The following CNBD1 variants were observed in gnomAD, a reference collection of about 807,000 sequenced individuals.
CNBD1 encodes cyclic nucleotide binding domain containing 1.
Under a neutral mutation model 54.4 loss-of-function variants are expected in CNBD1, and 71 were observed. That is an observed-to-expected ratio of 1.30 (90% confidence interval 1.08 to 1.59). The LOEUF (loss-of-function observed/expected upper bound fraction) is 1.59, where lower values mean the gene tolerates loss of function less well. Among genes scored for constraint, CNBD1 ranks in the 40% most tolerant of loss-of-function variants. CNBD1 has a pLI of 0.00. For missense variants in CNBD1, 659 were observed against 518.0 expected, an observed-to-expected ratio of 1.27 and a Z score of -2.64; for synonymous variants, 182 against 170.7, an observed-to-expected ratio of 1.07 and a Z score of -0.51.
intron 4 of CNBD1, among the ~76,000 whole-genome samples, chr8:87,051,762 G>T (rs1810316395): frequency 6.6e-6 from 1 of 152,148 alleles, no homozygotes; most frequent in Non-Finnish European, 1.5e-5. Flanking sequence ...CTTCATTCTG[G>T]TAAACCCACA....
At chr8:86,976,187 CT>C (rs71277906) in intron 4 of CNBD1, among the ~76,000 whole-genome samples, 114 of 83,498 alleles carry the variant, frequency 1.4e-3, no homozygotes, top group African/African-American at 4.9e-3. Flanking sequence ...GTGCATTGAC[CT>C]TTTTTTTTTT....
At chr8:87,189,741 A>G (rs1363620973) in intron 4 of CNBD1, among the ~76,000 whole-genome samples, 2 of 152,212 alleles carry the variant, frequency 1.3e-5, no homozygotes, top group African/African-American at 4.8e-5. Context: ...AATTTCTGGA[A>G]AAACTGATAA....
rs140965851 is a variant in CNBD1, at chr8:87,065,903, C to G, written c.431+126149C>G. ...TCTTAACCTATATGTGATACTTTCC[C>G]ACTACATGGTTGTTGATAAGTTTCA... On this transcript the variant is annotated intron_variant, in intron 4 of 10. Transcript: ENST00000518476. Among the ~76,000 whole-genome samples, 583 of 152,022 alleles carry G rather than the reference C, an allele frequency of 3.8e-3. 5 individuals are homozygous for G. Among genetic ancestry groups the G allele is most frequent in the African/African-American group, 0.013 (548 of 41,522 alleles).
intron 8 of CNBD1, among the ~76,000 whole-genome samples, chr8:87,341,614 C>A (rs1810065200): frequency 6.6e-6 from 1 of 152,150 alleles, no homozygotes; most frequent in Non-Finnish European, 1.5e-5. Context: ...ATCATGAGGG[C>A]TCCACCCTCT....
chr8:87,108,891 C>T (rs1457819108), intron 4 of CNBD1, among the ~76,000 whole-genome samples: 3 of 151,770 alleles, frequency 2.0e-5, no homozygotes, highest in Non-Finnish European at 4.4e-5. Flanking sequence ...GGCCAAACAA[C>T]TCTCATGGCC....
intron 4 of CNBD1, among the ~76,000 whole-genome samples, chr8:87,099,785 C>T (rs544482037): frequency 6.6e-6 from 1 of 152,288 alleles, no homozygotes; most frequent in East Asian, 1.9e-4. Flanking sequence ...AGATGTCTAA[C>T]AGACTCTTAA....
chr8:87,030,745 A>T (rs1275479351), intron 4 of CNBD1, among the ~76,000 whole-genome samples: 1 of 152,114 alleles, frequency 6.6e-6, no homozygotes, highest in Admixed American at 6.5e-5. Flanking sequence ...ACTCAGGATA[A>T]GATGGAGGGA....
At chr8:87,210,164 A>C (rs533079539) in intron 5 of CNBD1, among the ~76,000 whole-genome samples, 16 of 152,354 alleles carry the variant, frequency 1.1e-4, no homozygotes, top group African/African-American at 3.6e-4. Context: ...TTTCTAAGCA[A>C]CAAAGTGATC....
At chr8:87,220,360 T>C (rs1814304189) in intron 5 of CNBD1, among the ~76,000 whole-genome samples, 1 of 152,026 alleles carries the variant, frequency 6.6e-6, no homozygotes, top group Non-Finnish European at 1.5e-5. Context: ...TGATATCCTT[T>C]TAGGGAGAGC....
At chr8:87,321,464 T>C (rs185182925) in intron 8 of CNBD1, among the ~76,000 whole-genome samples, 1 of 152,200 alleles carries the variant, frequency 6.6e-6, no homozygotes, top group African/African-American at 2.4e-5. Context: ...GAACATCTTT[T>C]CTTATACCTG....
intron 2 of CNBD1, among the ~76,000 whole-genome samples, chr8:87,426,244 G>T (rs924229060): frequency 1.1e-4 from 16 of 152,306 alleles, no homozygotes; most frequent in Non-Finnish European, 2.1e-4. Context: ...GATGAACCCG[G>T]TACCTCAGAT....
At chr8:86,939,794 T>A (rs1475422088) in intron 4 of CNBD1, 40 bp downstream of exon 4, 1 of 1,240,600 alleles carries the variant, frequency 8.1e-7, no homozygotes, top group Non-Finnish European at 1.1e-6. Flanking sequence ...AATTGAGTAA[T>A]TCTTTTGAAT....
chr8:87,231,190 A>T lies in CNBD1; in HGVS notation c.578-5729A>T, dbSNP rs547773092. Reference sequence around the variant, plus strand: ...CATAAACATGTATTCATAGGCAGACATATATTTACTTTTATTTTAAACTTT... The same window carrying T: ...CATAAACATGTATTCATAGGCAGACTTATATTTACTTTTATTTTAAACTTT... On this transcript the variant is annotated intron_variant, in intron 5 of 10. Transcript: ENST00000518476. 6.6e-5 allele frequency among the ~76,000 whole-genome samples: 10 copies of T among 152,308 alleles called. No individual in the cohort carries two copies. In the South Asian group the frequency reaches 2.1e-3, roughly 32 times the overall value.
At chr8:86,981,179 G>C (rs183836847) in intron 4 of CNBD1, among the ~76,000 whole-genome samples, 1 of 152,202 alleles carries the variant, frequency 6.6e-6, no homozygotes, top group Non-Finnish European at 1.5e-5. Context: ...GTCTGTGTGC[G>C]TGCGCGCGCG....
At chr8:86,877,976 T>C (rs550467858) in intron 1 of CNBD1, among the ~76,000 whole-genome samples, 26 of 152,156 alleles carry the variant, frequency 1.7e-4, no homozygotes, top group African/African-American at 5.3e-4. Flanking sequence ...TTTCTGTCAT[T>C]ATTTTATCTT....
At chr8:87,134,267 A>G (rs545153873) in intron 4 of CNBD1, among the ~76,000 whole-genome samples, 3 of 152,282 alleles carry the variant, frequency 2.0e-5, no homozygotes, top group African/African-American at 7.2e-5. Context: ...CATGGATACC[A>G]AATTAGTTAT....
intron 4 of CNBD1, among the ~76,000 whole-genome samples, chr8:87,053,182 G>T (rs1397202191): frequency 6.6e-6 from 1 of 152,198 alleles, no homozygotes; most frequent in Non-Finnish European, 1.5e-5. Context: ...AAAGATTTGG[G>T]TTGTGTCGCA....
rs776997242 is a variant in CNBD1 at position 87,351,741 on chromosome 8, T to A, written c.1099T>A (p.Cys367Ser). The change falls in exon 9 of 11, where the codon TGT (cysteine) becomes AGT (serine). Residue 367 changes from cysteine (C) to serine (S), a missense_variant. Physicochemically the swap from Cys to Ser is moderately radical, Grantham distance 112 (BLOSUM62 -1). Coordinates refer to ENST00000518476, the MANE Select transcript of CNBD1 (RefSeq NM_173538.3). ...TGTGGGTTATATTAACTCTGGATGC[T>A]GTAACATTTATAGAAGTATTATAGG... ...SFVGYINSGC[C>S]NIYRSIIGFV... 3.9e-6 allele frequency: 6 copies of A among 1,533,948 alleles called. No individual in the cohort carries two copies. The highest frequency in any genetic ancestry group is 5.2e-6 in the Non-Finnish European group (6 of 1,145,474).
At chr8:87,242,395 G>T (rs1040692272) in intron 6 of CNBD1, among the ~76,000 whole-genome samples, 1 of 152,042 alleles carries the variant, frequency 6.6e-6, no homozygotes, top group Non-Finnish European at 1.5e-5. Context: ...CTACCTGGAG[G>T]CTTCATCTGC....
Sources: allele counts gnomAD v4.1 joint callset (sites outside exome capture counted in the v4.1 genomes callset), GRCh38; gene constraint gnomAD v4.1.1; transcripts MANE v1.5; gene names NCBI Gene and HGNC (gene_info 2026-07-23, HGNC 2026-07-21).